CCAR2: variants seen among roughly 807,000 people sequenced by gnomAD.
CCAR2 encodes the protein cell cycle and apoptosis regulator protein 2.
Under a neutral mutation model 108.1 loss-of-function variants are expected in CCAR2, and 21 were observed. The ratio of observed to expected loss-of-function variants is 0.19; its 90% CI spans 0.14 to 0.28. CCAR2 has a LOEUF of 0.28. Ranked by LOEUF, CCAR2 falls within the 10% of genes least tolerant of loss-of-function variation. The pLI, the probability that CCAR2 is intolerant of heterozygous loss-of-function variation, is 1.00. For missense variants in CCAR2, 1,126 were observed against 1,177.0 expected (o/e 0.96, Z 0.63); for synonymous variants, 577 against 472.8 (o/e 1.22, Z -2.86).
In CCAR2 at chr8:22,618,504, T is replaced by C. The variant is rs202219405; in HGVS notation, c.2220+9T>C. On this transcript the variant is annotated intron_variant, in intron 17 of 20. Coordinates refer to ENST00000308511, the MANE Select transcript of CCAR2 (RefSeq NM_001393997.1). ...GGCTCAGTGCAGAGCAGGTACCTTC[T>C]TTCCTCTGCCCCAGCACATGGGCAC... 1 of 1,614,202 alleles carries C rather than the reference T, an allele frequency of 6.2e-7. No individual in the cohort carries two copies. Among genetic ancestry groups the C allele is most frequent in the Non-Finnish European group, 8.5e-7 (1 of 1,180,040 alleles).
Position 22,619,690 on chromosome 8 carries a change from G to A in CCAR2, c.*8G>A, listed in dbSNP as rs759520514. The stretch of plus-strand genomic sequence containing the variant: ...CCGGCACCTAGCAACTGACGGCCTC[G>A]CACGGAACTGCCATCCTGTGAGGGC... On this transcript the variant is annotated 3_prime_UTR_variant, in exon 21 of 21. Transcript: ENST00000308511. 6.3e-5 allele frequency: 98 copies of A among 1,564,588 alleles called. No individual in the cohort carries two copies. The highest frequency in any genetic ancestry group is 2.4e-5 in the East Asian group (1 of 42,236).
At chr8:22,607,782 GC>G in intron 6 of CCAR2, among the ~76,000 whole-genome samples, 186 bp from the exon 7 acceptor site, 1 of 152,218 alleles carries the variant, frequency 6.6e-6, no homozygotes, top group South Asian at 2.1e-4. Flanking sequence ...CCACCACCAT[GC>G]CCGGCTGATT....
At position 22,618,336 on chromosome 8, in the gene CCAR2, G is replaced by GTTT. The variant is rs1563927075; in HGVS notation, c.2074-11_2074-9dup. 2 of 1,614,144 alleles carry GTTT rather than the reference G, an allele frequency of 1.2e-6. No homozygotes were observed. The highest frequency in any genetic ancestry group is 2.7e-5 in the African/African-American group (2 of 75,056). On this transcript the variant is annotated splice_polypyrimidine_tract_variant and intron_variant, in intron 16 of 20. Coordinates refer to ENST00000308511, the MANE Select transcript of CCAR2 (RefSeq NM_001393997.1). The stretch of plus-strand genomic sequence containing the variant: ...CTATTTGCAAATCCTGCTCATCTTT[G>GTTT]TTTTCTTTGCAGCCCAAGGAGCTGG...
rs36086286 is a variant in CCAR2, at chr8:22,616,866, C to CTTTTTT, written c.1846-529_1846-524dup. Reference sequence around the variant, plus strand: ...AAACCTTTTCTAAAATACTAGTCTGCTTTTTTTTTTTTTTTTTTTTTTTTT... The same window carrying CTTTTTT: ...AAACCTTTTCTAAAATACTAGTCTGCTTTTTTTTTTTTTTTTTTTTTTTTTTTTTTT... On this transcript the variant is annotated intron_variant, in intron 14 of 20. Transcript: ENST00000308511. Among the ~76,000 whole-genome samples the CTTTTTT allele has an allele frequency of 4.6e-4, 25 of 54,732 alleles. 3 individuals are homozygous for CTTTTTT. In the East Asian group the frequency reaches 5.8e-3, roughly 13 times the overall value. The allele number at this position is 54,732 out of a possible 152,430, so 35.9% of individuals were successfully genotyped here.
Position 22,607,296 on chromosome 8 carries a change from A to C in CCAR2, c.458A>C (p.His153Pro), listed in dbSNP as rs547168885. 1.2e-6 allele frequency: 2 copies of C among 1,613,052 alleles called. No individual in the cohort carries two copies. The highest frequency in any genetic ancestry group is 1.1e-5 in the South Asian group (1 of 91,068). The change falls in exon 6 of 21, where the codon CAC becomes CCC. Residue 153 changes from histidine to proline, a missense_variant. Coordinates refer to ENST00000308511, the MANE Select transcript of CCAR2 (RefSeq NM_001393997.1). Reference sequence around the variant, plus strand: ...CAGCCTCAGTTGATCTTCCAGCCTCACCGGATTCCCCCACTCTTTCCTCAG... The same window carrying C: ...CAGCCTCAGTTGATCTTCCAGCCTCCCCGGATTCCCCCACTCTTTCCTCAG... ...GAQPQLIFQP[H>P]RIPPLFPQKP...
At chr8:22,621,404 T>C (rs1801808355), downstream of CCAR2, 1 of 1,608,668 alleles carries the variant, frequency 6.2e-7, no homozygotes, top group African/African-American at 1.3e-5. Context: ...ACAGGAGTCC[T>C]CCAAGAGTGA....
In CCAR2 at chr8:22,616,138, G is replaced by T; in HGVS notation, c.1735G>T (p.Ala579Ser). The change falls in exon 14 of 21, where the codon GCC (alanine) becomes TCC (serine). Residue 579 changes from alanine to serine, a missense_variant. By Grantham distance (99) the Ala-to-Ser change is moderately conservative. Transcript: ENST00000308511. ...SPPEPEKEEA[A>S]KEEATKEEEA... ...ACCTGAACCTGAGAAGGAGGAGGCG[G>T]CCAAGGAAGAAGCCACCAAGGAGGA... is the stretch of plus-strand genomic sequence containing the variant. 1 of 1,613,816 alleles carries T rather than the reference G, an allele frequency of 6.2e-7. No homozygotes were observed. The highest frequency in any genetic ancestry group is 1.7e-5 in the Admixed American group (1 of 59,990).
At chr8:22,613,355 C>CT (rs5890057) in intron 8 of CCAR2, among the ~76,000 whole-genome samples, 12,050 of 125,104 alleles carry the variant, frequency 0.096, 657 homozygotes, top group Non-Finnish European at 0.13. Context: ...AGATCTAGTT[C>CT]TTTTTTTTTT....
intron 4 of CCAR2, 39 bp from the exon 5 acceptor site, chr8:22,606,871 C>T (rs1447784704): frequency 5.6e-6 from 9 of 1,600,722 alleles, no homozygotes; most frequent in Non-Finnish European, 7.7e-6. Context: ...TGGCCAGGGT[C>T]CCTCTTCTGA....
chr8:22,605,656 T>TA, intron 1 of CCAR2, 80 bp from the exon 2 acceptor site: 3 of 805,756 alleles, frequency 3.7e-6, no homozygotes. Context: ...GAAATATCCT[T>TA]ACTTAAGATT....
At chr8:22,605,875 T>C in intron 2 of CCAR2, 44 bp downstream of exon 2, 1 of 1,582,030 alleles carries the variant, frequency 6.3e-7, no homozygotes, top group Non-Finnish European at 8.7e-7. Flanking sequence ...GGGAAGTATG[T>C]GCTCTGGAGT....
rs748700436 is a variant in CCAR2, at chr8:22,607,192, G to A, written c.358-4G>A. On this transcript the variant is annotated splice_polypyrimidine_tract_variant and splice_region_variant and intron_variant, in intron 5 of 20. Coordinates refer to ENST00000308511, the MANE Select transcript of CCAR2 (RefSeq NM_001393997.1). ...CCCTGAATTTCCTGGCTCCTGTTCT[G>A]CAGCCCCTACTGAAGTCCCCAGCAC... 2 of 1,613,854 alleles carry A rather than the reference G, an allele frequency of 1.2e-6. No individual in the cohort carries two copies. The highest frequency in any genetic ancestry group is 1.7e-6 in the Non-Finnish European group (2 of 1,179,896).
chr8:22,621,366 G>C (rs1400815490), downstream of CCAR2: 5 of 1,568,796 alleles, frequency 3.2e-6, no homozygotes. Flanking sequence ...CCCTGAGAAG[G>C]GCAAGGATGA....
intron 20 of CCAR2, 53 bp from the exon 21 acceptor site, chr8:22,619,585 C>A: frequency 6.5e-7 from 1 of 1,544,866 alleles, no homozygotes; most frequent in African/African-American, 1.4e-5. Flanking sequence ...AGTCCGCAGT[C>A]CTCAGATCAC....
Position 22,614,438 on chromosome 8 carries a change from A to G in CCAR2, c.976A>G (p.Met326Val), listed in dbSNP as rs1180815168. 4 of 1,614,086 alleles carry G rather than the reference A, an allele frequency of 2.5e-6. No homozygotes were observed. The highest frequency in any genetic ancestry group is 3.4e-6 in the Non-Finnish European group (4 of 1,180,048). Reference protein sequence around the residue: ...PGLEELYRCCMLFVDDMAEPR... With the variant: ...PGLEELYRCCVLFVDDMAEPR... Reference sequence around the variant, plus strand: ...GTTGGAGGAATTGTATCGTTGTTGCATGCTCTTTGTGGATGACATGGCTGA... The same window carrying G: ...GTTGGAGGAATTGTATCGTTGTTGCGTGCTCTTTGTGGATGACATGGCTGA... The change falls in exon 10 of 21, where the codon ATG becomes GTG. Residue 326 changes from methionine to valine, a missense_variant. Around this residue, in one of 4 missense-constraint regions of CCAR2, gnomAD observed 1,013 missense variants for 993.9 expected, o/e 1.02. Coordinates refer to ENST00000308511, the MANE Select transcript of CCAR2 (RefSeq NM_001393997.1).
chr8:22,611,388 A>ATATGTGTGTGTG lies in CCAR2; in HGVS notation c.585-1628_585-1627insATGTGTGTGTGT, dbSNP rs1554559973. Among the ~76,000 whole-genome samples the ATATGTGTGTGTG allele has an allele frequency of 2.3e-3, 296 of 128,480 alleles. 1 individual carries two copies. Among genetic ancestry groups the ATATGTGTGTGTG allele is most frequent in the South Asian group, 6.4e-3 (26 of 4,094 alleles). The allele number at this position is 128,480 out of a possible 152,430, so 84.3% of individuals were successfully genotyped here. A position where few individuals can be genotyped will look rare whatever the true frequency, so the allele number is the denominator to read the frequency against. On this transcript the variant is annotated intron_variant, in intron 7 of 20. Coordinates refer to ENST00000308511, the MANE Select transcript of CCAR2 (RefSeq NM_001393997.1). ...AAAAAAAAAAAAAAAAAGTATATAT[A>ATATGTGTGTGTG]TGTGTGTGTGTGTGTGTATGTGTGT...
At chr8:22,616,371 C>T in intron 14 of CCAR2, 123 bp downstream of exon 14, 1 of 882,214 alleles carries the variant, frequency 1.1e-6, no homozygotes, top group Non-Finnish European at 1.8e-6. Context: ...TCGGCATGGA[C>T]TGAGGCCGCA....
intron 20 of CCAR2, 103 bp from the exon 21 acceptor site, chr8:22,619,535 G>A: frequency 7.0e-7 from 1 of 1,436,514 alleles, no homozygotes; most frequent in Non-Finnish European, 9.6e-7. Flanking sequence ...TGAGCAGTCA[G>A]CAGCGTGCAG....
Position 22,606,195 on chromosome 8 carries a change from G to A in CCAR2, c.150+19G>A. On this transcript the variant is annotated intron_variant, in intron 3 of 20. Transcript: ENST00000308511. ...CCTTCAGGTAGGTTCGGCATCCCTT[G>A]TAGTAAGTTTCAGCCCTTGGGACTG... 3 of 1,592,912 alleles carry A rather than the reference G, an allele frequency of 1.9e-6. No homozygotes were observed. The highest frequency in any genetic ancestry group is 2.6e-6 in the Non-Finnish European group (3 of 1,160,908).
Sources: gnomAD v4.1 joint callset for allele counts (sites outside exome capture counted in the v4.1 genomes callset) on GRCh38, gnomAD v4.1.1 for gene constraint, gnomAD v4.1.1 regional missense constraint, MANE v1.5 for transcripts, NCBI Gene and HGNC (gene_info 2026-07-23, HGNC 2026-07-21) for gene names.